Variants in GABRG1 observed in about 807,000 individuals in gnomAD.
GABRG1 encodes the protein gamma-aminobutyric acid receptor subunit gamma-1.
Under a neutral mutation model 49.8 loss-of-function variants are expected in GABRG1, and 49 were observed. The ratio of observed to expected loss-of-function variants is 0.98; its 90% CI spans 0.78 to 1.25. The LOEUF (loss-of-function observed/expected upper bound fraction) is 1.25. Ranked by LOEUF, GABRG1 falls within the 50% of genes most tolerant of loss-of-function variation. The pLI is 0.00. For missense variants in GABRG1, 552 were observed against 552.3 expected, an observed-to-expected ratio of 1.00 and a Z score of 0.01; for synonymous variants, 232 against 185.1, an observed-to-expected ratio of 1.25 and a Z score of -2.06.
At chr4:46,063,656 C>T (rs1718797351) in intron 5 of GABRG1, among the ~76,000 whole-genome samples, 1 of 152,074 alleles carries the variant, frequency 6.6e-6, no homozygotes, top group African/African-American at 2.4e-5. Context: ...AAAGCAATGG[C>T]AACAAAAGCC....
intron 3 of GABRG1, among the ~76,000 whole-genome samples, chr4:46,078,100 A>G (rs1456637793): frequency 6.6e-6 from 1 of 151,860 alleles, no homozygotes; most frequent in Non-Finnish European, 1.5e-5. Flanking sequence ...TAATATATGC[A>G]GAAGAAAAGA....
intron 1 of GABRG1, among the ~76,000 whole-genome samples, chr4:46,115,414 C>G (rs762296431): frequency 6.6e-6 from 1 of 150,576 alleles, no homozygotes; most frequent in Non-Finnish European, 1.5e-5. Context: ...CCACCTTACA[C>G]AGTAAATTGT....
chr4:46,079,402 C>G (rs944338765), intron 3 of GABRG1, among the ~76,000 whole-genome samples: 5 of 151,868 alleles, frequency 3.3e-5, no homozygotes, highest in African/African-American at 9.7e-5. Context: ...GTTTCAATTT[C>G]CAGCAGGAAG....
chr4:46,044,724 G>A (rs1717922151), intron 8 of GABRG1, among the ~76,000 whole-genome samples: 1 of 152,010 alleles, frequency 6.6e-6, no homozygotes, highest in East Asian at 1.9e-4. Context: ...GGAAAACATG[G>A]TGTTAGCTAA....
chr4:46,122,942 G>A (rs542722562), intron 1 of GABRG1, among the ~76,000 whole-genome samples: 8 of 151,984 alleles, frequency 5.3e-5, no homozygotes, highest in Admixed American at 2.0e-4. Context: ...CTACTCCTAC[G>A]TATAATCGAA....
At chr4:46,089,867 G>C (rs916515142) in intron 2 of GABRG1, among the ~76,000 whole-genome samples, 1 of 152,040 alleles carries the variant, frequency 6.6e-6, no homozygotes, top group South Asian at 2.1e-4. Context: ...GCAGGCTGAG[G>C]TGGAGGGATC....
In GABRG1 at chr4:46,036,144, T is replaced by G. The variant is rs1318264661; in HGVS notation, c.*4844A>C. 6.6e-6 allele frequency: 1 copy of G among 151,968 alleles called. No homozygotes were observed. The highest frequency in any genetic ancestry group is 1.5e-5 in the Non-Finnish European group (1 of 67,890). The allele number at this position is 151,968 out of a possible 1,614,324, so 9.4% of individuals were successfully genotyped here. A position where few individuals can be genotyped will look rare whatever the true frequency, so the allele number is the denominator to read the frequency against. ...ACTCAAAGGGTCCAGGTATGTTTCA[T>G]TGTCCAACAATAACAATTCTTTTAT... On this transcript the variant is annotated 3_prime_UTR_variant, in exon 9 of 9. Coordinates refer to ENST00000295452, the MANE Select transcript of GABRG1 (RefSeq NM_173536.4).
chr4:46,076,363 A>ATT (rs1491321092), intron 3 of GABRG1, among the ~76,000 whole-genome samples: 12 of 37,356 alleles, frequency 3.2e-4, no homozygotes, highest in South Asian at 1.3e-3. Flanking sequence ...GGTCATGTTC[A>ATT]TATATATATA....
At chr4:46,068,379 G>A (rs1184220197) in intron 3 of GABRG1, among the ~76,000 whole-genome samples, 1 of 152,042 alleles carries the variant, frequency 6.6e-6, no homozygotes, top group African/African-American at 2.4e-5. Flanking sequence ...TGGCACTTGA[G>A]AACCAATTTG....
intron 4 of GABRG1, 137 bp downstream of exon 4, chr4:46,065,227 C>A (rs1355105450): frequency 6.9e-6 from 4 of 576,148 alleles, no homozygotes; most frequent in Non-Finnish European, 1.2e-5. Flanking sequence ...AAGTATTTCA[C>A]CATTTTATAT....
chr4:46,089,345 C>T (rs971113351), intron 2 of GABRG1, among the ~76,000 whole-genome samples: 38 of 151,966 alleles, frequency 2.5e-4, no homozygotes, highest in African/African-American at 8.7e-4. Context: ...TTGATGTTAC[C>T]CCAAAAAGAA....
At position 46,111,702 on chromosome 4, in the gene GABRG1, C is replaced by A. The variant is rs142384466; in HGVS notation, c.104+12108G>T. ...AATAAAACTGCACACCTACAGACAT[C>A]TGATCTTCAACAAATTTGGCAAAAA... On this transcript the variant is annotated intron_variant, in intron 1 of 8. Coordinates refer to ENST00000295452, the MANE Select transcript of GABRG1 (RefSeq NM_173536.4). Among the ~76,000 whole-genome samples, 1,378 of 151,422 alleles carry A rather than the reference C, an allele frequency of 9.1e-3. 8 individuals carry two copies. Among genetic ancestry groups the A allele is most frequent in the South Asian group, 0.03 (144 of 4,818 alleles).
chr4:46,088,805 T>TG (rs1553882201), intron 2 of GABRG1, among the ~76,000 whole-genome samples: 21 of 142,526 alleles, frequency 1.5e-4, no homozygotes, highest in Admixed American at 6.9e-4. Context: ...GTGTGTGTGT[T>TG]TGTGTGTGTT....
intron 8 of GABRG1, among the ~76,000 whole-genome samples, chr4:46,046,824 T>C (rs780950477): frequency 6.6e-6 from 1 of 152,104 alleles, no homozygotes; most frequent in African/African-American, 2.4e-5. Flanking sequence ...GTATATACTG[T>C]ATACTATTTC....
chr4:46,091,588 G>A (rs1719991819), intron 2 of GABRG1, among the ~76,000 whole-genome samples: 1 of 151,992 alleles, frequency 6.6e-6, no homozygotes, highest in Non-Finnish European at 1.5e-5. Flanking sequence ...TAAAAATCAG[G>A]TGTAAATACT....
chr4:46,070,315 T>C (rs1719068967), intron 3 of GABRG1, among the ~76,000 whole-genome samples: 1 of 151,922 alleles, frequency 6.6e-6, no homozygotes, highest in African/African-American at 2.4e-5. Context: ...ATATATATTA[T>C]ATAATATTCT....
chr4:46,116,157 C>T (rs997108074), intron 1 of GABRG1, among the ~76,000 whole-genome samples: 13 of 150,868 alleles, frequency 8.6e-5, no homozygotes, highest in African/African-American at 2.9e-4. Context: ...AACTACAAAC[C>T]ACCCATCCAA....
chr4:46,123,420 C>T (rs1056388809), intron 1 of GABRG1, among the ~76,000 whole-genome samples: 3 of 151,994 alleles, frequency 2.0e-5, no homozygotes, highest in Admixed American at 2.0e-4. Flanking sequence ...TGTGTAACAA[C>T]AAGTTTCTGA....
chr4:46,100,513 G>T (rs773954794), intron 1 of GABRG1, among the ~76,000 whole-genome samples: 16 of 151,344 alleles, frequency 1.1e-4, no homozygotes, highest in Non-Finnish European at 2.2e-4. Context: ...ATCTCTGCTG[G>T]TGTGTGCTTC....
Sources: allele counts gnomAD v4.1 joint callset (sites outside exome capture counted in the v4.1 genomes callset), GRCh38; gene constraint gnomAD v4.1.1; transcripts MANE v1.5; gene names NCBI Gene and HGNC (gene_info 2026-07-23, HGNC 2026-07-21).